The following ZNF804A variants were observed in gnomAD, a reference collection of about 807,000 sequenced individuals.
ZNF804A encodes the protein zinc finger protein 804A.
Under a neutral mutation model 16.5 loss-of-function variants are expected in ZNF804A, and 2 were observed. The observed-to-expected ratio is 0.12, with a 90% CI of 0.05 to 0.38. ZNF804A has a LOEUF of 0.38. Among genes scored for constraint, ZNF804A ranks in the 10% least tolerant of loss-of-function variants. The pLI is 0.99. For synonymous variants in ZNF804A, 534 were observed against 489.6 expected, an observed-to-expected ratio of 1.09 and a Z score of -1.20; for missense variants, 1,473 against 1,390.7, an observed-to-expected ratio of 1.06 and a Z score of -0.94.
chr2:184,937,461 T>C lies in ZNF804A; in HGVS notation c.2065T>C (p.Ser689Pro), dbSNP rs1685811070. The C allele has an allele frequency of 1.2e-6, 2 of 1,601,214 alleles. No homozygotes were observed. Among genetic ancestry groups the C allele is most frequent in the Non-Finnish European group, 1.7e-6 (2 of 1,174,964 alleles). The change falls in exon 4 of 4, where the codon TCT becomes CCT. Residue 689 changes from serine (S) to proline (P), a missense_variant. Ser to Pro is a moderately conservative substitution (Grantham distance 74). Transcript: ENST00000302277. ...TEYNTYDTISSKNHCKKNTIL... is the reference protein window; with the variant it reads ...TEYNTYDTISPKNHCKKNTIL... ...ATACAACACTTATGATACTATCAGT[T>C]CTAAAAACCACTGTAAAAAGAACAC... is the stretch of plus-strand genomic sequence containing the variant.
At chr2:184,812,257 T>C (rs374675153) in intron 1 of ZNF804A, among the ~76,000 whole-genome samples, 1 of 152,212 alleles carries the variant, frequency 6.6e-6, no homozygotes, top group Non-Finnish European at 1.5e-5. Flanking sequence ...CTGTCTCTAG[T>C]TCGCCAACCA....
At chr2:184,825,151 T>C (rs1325807298) in intron 1 of ZNF804A, among the ~76,000 whole-genome samples, 1 of 152,178 alleles carries the variant, frequency 6.6e-6, no homozygotes, top group Non-Finnish European at 1.5e-5. Context: ...GAAACAGGTA[T>C]CAGTCATTTT....
Position 184,813,066 on chromosome 2 carries a change from C to T in ZNF804A, c.112-53303C>T, listed in dbSNP as rs542182943. On this transcript the variant is annotated intron_variant, in intron 1 of 3. Transcript: ENST00000302277. ...GAGGTGAATATCATCTGTGGAACTA[C>T]ATGGAAGATGTCTGAGAGTCGGCTT... Among the ~76,000 whole-genome samples the T allele has an allele frequency of 4.6e-5, 7 of 152,220 alleles. No individual in the cohort carries two copies. In the South Asian group the frequency reaches 8.3e-4, roughly 18 times the overall value.
chr2:184,625,547 A>T (rs1691481372), intron 1 of ZNF804A, among the ~76,000 whole-genome samples: 1 of 152,138 alleles, frequency 6.6e-6, no homozygotes, highest in Non-Finnish European at 1.5e-5. Flanking sequence ...GAACAACAGA[A>T]TATATGTGGA....
chr2:184,873,667 A>C (rs1035103014), intron 2 of ZNF804A, among the ~76,000 whole-genome samples: 1 of 152,256 alleles, frequency 6.6e-6, no homozygotes, highest in Non-Finnish European at 1.5e-5. Flanking sequence ...TTGTAGAAAT[A>C]TGAACACATA....
intron 1 of ZNF804A, among the ~76,000 whole-genome samples, chr2:184,673,079 A>G (rs929913692): frequency 1.3e-5 from 2 of 152,166 alleles, no homozygotes; most frequent in Non-Finnish European, 2.9e-5. Context: ...AAGATGAAGG[A>G]AAGAAAGGAG....
chr2:184,665,456 T>C (rs1574153136), intron 1 of ZNF804A, among the ~76,000 whole-genome samples: 1 of 152,230 alleles, frequency 6.6e-6, no homozygotes, highest in East Asian at 1.9e-4. Flanking sequence ...AATTTGGAGA[T>C]AGTAATTGAG....
intron 1 of ZNF804A, among the ~76,000 whole-genome samples, chr2:184,749,924 A>G (rs944499200): frequency 6.6e-6 from 1 of 151,352 alleles, no homozygotes; most frequent in African/African-American, 2.4e-5. Flanking sequence ...GTATAAAGAT[A>G]ATAATTCTTA....
intron 1 of ZNF804A, among the ~76,000 whole-genome samples, chr2:184,800,742 A>C (rs544442877): frequency 6.6e-6 from 1 of 152,158 alleles, no homozygotes; most frequent in African/African-American, 2.4e-5. Flanking sequence ...TACTTTATAA[A>C]AAAGCATACC....
At chr2:184,703,862 A>G (rs1045292299) in intron 1 of ZNF804A, among the ~76,000 whole-genome samples, 3 of 152,112 alleles carry the variant, frequency 2.0e-5, no homozygotes, top group Non-Finnish European at 4.4e-5. Flanking sequence ...TATAAAATCC[A>G]GAATAATTTG....
chr2:184,819,125 G>A (rs1293382478), intron 1 of ZNF804A, among the ~76,000 whole-genome samples: 1 of 151,784 alleles, frequency 6.6e-6, no homozygotes, highest in Non-Finnish European at 1.5e-5. Context: ...TCTTCTCATT[G>A]CCACATGGCA....
At chr2:184,847,071 A>C (rs1458288357) in intron 1 of ZNF804A, among the ~76,000 whole-genome samples, 1 of 152,136 alleles carries the variant, frequency 6.6e-6, no homozygotes, top group African/African-American at 2.4e-5. Flanking sequence ...TTCTTAAAGG[A>C]GATATCACTT....
chr2:184,664,048 C>A (rs1303321545), intron 1 of ZNF804A, among the ~76,000 whole-genome samples: 2 of 152,288 alleles, frequency 1.3e-5, no homozygotes, highest in East Asian at 1.9e-4. Context: ...TGAATATATA[C>A]TTTGTCTCTT....
At chr2:184,839,457 A>G (rs1695402231) in intron 1 of ZNF804A, among the ~76,000 whole-genome samples, 1 of 152,092 alleles carries the variant, frequency 6.6e-6, no homozygotes, top group Admixed American at 6.6e-5. Context: ...GTATTTCCTA[A>G]AGTAAAATAT....
intron 1 of ZNF804A, among the ~76,000 whole-genome samples, chr2:184,737,940 A>G (rs1227630251): frequency 1.3e-5 from 2 of 152,078 alleles, no homozygotes; most frequent in Admixed American, 6.6e-5. Flanking sequence ...CCTGACCAAC[A>G]TGGAGAAACC....
chr2:184,625,632 T>A (rs1691482626), intron 1 of ZNF804A, among the ~76,000 whole-genome samples: 1 of 152,168 alleles, frequency 6.6e-6, no homozygotes, highest in African/African-American at 2.4e-5. Context: ...TGTTTGAGGC[T>A]ATTTTACCTT....
intron 2 of ZNF804A, among the ~76,000 whole-genome samples, chr2:184,926,594 T>C (rs1319419512): frequency 6.6e-6 from 1 of 152,124 alleles, no homozygotes; most frequent in Non-Finnish European, 1.5e-5. Flanking sequence ...ATAAACCTTG[T>C]ATCCCCATCT....
At chr2:184,932,244 C>G (rs925132330) in intron 2 of ZNF804A, among the ~76,000 whole-genome samples, 1 of 152,146 alleles carries the variant, frequency 6.6e-6, no homozygotes, top group Admixed American at 6.6e-5. Flanking sequence ...ACAGCAGCAC[C>G]CCACTACCCA....
At chr2:184,882,677 C>T (rs1684827291) in intron 2 of ZNF804A, among the ~76,000 whole-genome samples, 1 of 152,028 alleles carries the variant, frequency 6.6e-6, no homozygotes, top group Admixed American at 6.6e-5. Context: ...AAACAGCCTG[C>T]TCCTGATTGA....
Sources: allele counts gnomAD v4.1 joint callset (sites outside exome capture counted in the v4.1 genomes callset), GRCh38; gene constraint gnomAD v4.1.1; transcripts MANE v1.5; gene names NCBI Gene and HGNC (gene_info 2026-07-23, HGNC 2026-07-21).